PPFIA3: variants seen among roughly 807,000 people sequenced by gnomAD.
PPFIA3 encodes PPFI scaffold protein A3, also known as liprin-alpha-3.
In PPFIA3, 26 loss-of-function variants were observed where a neutral mutation model predicts 145.8. The ratio of observed to expected loss-of-function variants is 0.18; its 90% CI spans 0.13 to 0.25. PPFIA3 has a LOEUF of 0.25. Among genes scored for constraint, PPFIA3 ranks in the 10% least tolerant of loss-of-function variants. The pLI is 1.00. For missense variants in PPFIA3, 1,008 were observed against 1,587.8 expected (o/e 0.63, Z 6.21); for synonymous variants, 645 against 661.4 (o/e 0.98, Z 0.38).
intron 23 of PPFIA3, among the ~76,000 whole-genome samples, chr19:49,147,308 T>G (rs1420112645): frequency 6.6e-6 from 1 of 152,134 alleles, no homozygotes; most frequent in African/African-American, 2.4e-5. Flanking sequence ...TCTCAGCTAC[T>G]TGGAAGACTG....
chr19:49,129,600 A>G (rs2041044856), intron 5 of PPFIA3, 146 bp downstream of exon 5: 1 of 855,298 alleles, frequency 1.2e-6, no homozygotes, highest in African/African-American at 1.7e-5. Context: ...GACTATGGAG[A>G]GAAACCAGTG....
intron 1 of PPFIA3, among the ~76,000 whole-genome samples, chr19:49,123,606 T>C (rs2122519381): frequency 6.6e-6 from 1 of 152,068 alleles, no homozygotes; most frequent in South Asian, 2.1e-4. Flanking sequence ...CATGCCTGGC[T>C]AATTTTTGTG....
rs991839594 is a variant in PPFIA3 at position 49,133,716 on chromosome 19, C to A, written c.1162-80C>A. ...GGCGCTGTGGGGGCGGAGCCTGGCGCTCAGCCTTGGAGGAGGTGGGGCTGG... is the reference window on the plus strand; with the variant it reads ...GGCGCTGTGGGGGCGGAGCCTGGCGATCAGCCTTGGAGGAGGTGGGGCTGG... On this transcript the variant is annotated intron_variant, in intron 9 of 29. Coordinates refer to ENST00000334186, the MANE Select transcript of PPFIA3 (RefSeq NM_003660.4). This position sits in a 1 kb window ranked among gnomAD's most constrained non-coding sequence, Gnocchi z 7.2. The A allele has an allele frequency of 6.9e-7, 1 of 1,455,332 alleles. No individual in the cohort carries two copies. Among genetic ancestry groups the A allele is most frequent in the Non-Finnish European group, 9.5e-7 (1 of 1,049,250 alleles). 90.2% of individuals were successfully genotyped at this position (1,455,332 alleles called of 1,614,324 possible).
At chr19:49,148,827 G>A (rs1442195802) in intron 25 of PPFIA3, 64 bp downstream of exon 25, 5 of 1,551,864 alleles carry the variant, frequency 3.2e-6, no homozygotes, top group Non-Finnish European at 3.5e-6. Context: ...ATGGGGAGGA[G>A]AGGGGGTAGG....
rs200881830 is a variant in PPFIA3, at chr19:49,134,018, G to A, written c.1246-16G>A. On this transcript the variant is annotated splice_polypyrimidine_tract_variant and intron_variant, in intron 10 of 29. Coordinates refer to ENST00000334186, the MANE Select transcript of PPFIA3 (RefSeq NM_003660.4). Reference sequence around the variant, plus strand: ...CAGGGTGGGCTTAACAACCCGCCCCGCTCTGCTTTGCGCAGGCCCGGCAGC... The same window carrying A: ...CAGGGTGGGCTTAACAACCCGCCCCACTCTGCTTTGCGCAGGCCCGGCAGC... 6.2e-7 allele frequency: 1 copy of A among 1,609,762 alleles called. No individual in the cohort carries two copies. Among genetic ancestry groups the A allele is most frequent in the East Asian group, 2.2e-5 (1 of 44,842 alleles).
At position 49,130,300 on chromosome 19, in the gene PPFIA3, T is replaced by A. The variant is rs1024747798; in HGVS notation, c.658-78T>A. 49 of 1,367,444 alleles carry A rather than the reference T, an allele frequency of 3.6e-5. No homozygotes were observed. Among genetic ancestry groups the A allele is most frequent in the Admixed American group, 6.8e-5 (3 of 44,202 alleles). 84.7% of individuals were successfully genotyped at this position (1,367,444 alleles called of 1,614,324 possible). On this transcript the variant is annotated intron_variant, in intron 6 of 29. Transcript: ENST00000334186. The surrounding 1 kb of genome is among the most constrained non-coding windows in gnomAD (Gnocchi z 4.5). ...TATTGATCTTTGATCTACTTTCAGC[T>A]GATTGACTTTCTCCTTGGATTTCCT...
In PPFIA3 at chr19:49,128,495, A is replaced by C. The variant is rs1600327742; in HGVS notation, c.342+27A>C. On this transcript the variant is annotated intron_variant, in intron 3 of 29. Transcript: ENST00000334186. The surrounding 1 kb of genome is among the most constrained non-coding windows in gnomAD (Gnocchi z 4.1). ...TGAGGGGTGTTGAGGGCGGGGCCTAAGTGGGGGCGGGGCCTCGTGGTGTTG... is the reference window on the plus strand; with the variant it reads ...TGAGGGGTGTTGAGGGCGGGGCCTACGTGGGGGCGGGGCCTCGTGGTGTTG... The C allele has an allele frequency of 5.0e-5, 23 of 459,128 alleles. No homozygotes were observed. The highest frequency in any genetic ancestry group is 8.6e-5 in the East Asian group (1 of 11,682). 28.4% of individuals were successfully genotyped at this position (459,128 alleles called of 1,614,324 possible).
chr19:49,139,691 T>A lies in PPFIA3; in HGVS notation c.2100T>A (p.Ala700=). The change falls in exon 17 of 30, where the codon GCT becomes GCA. Residue 700 remains alanine, a synonymous_variant. Coordinates refer to ENST00000334186, the MANE Select transcript of PPFIA3 (RefSeq NM_003660.4). ...AGAATCATGTCCCTAAGGAGGAAGC[T>A]GGAGCTCCACGAGGGGAGGGGCCGG... ...DKANHVPKEE[A]GAPRGEGPAI... is the part of the protein sequence containing the mutation. 6.2e-7 allele frequency: 1 copy of A among 1,608,694 alleles called. No individual in the cohort carries two copies. The highest frequency in any genetic ancestry group is 8.5e-7 in the Non-Finnish European group (1 of 1,177,362).
chr19:49,134,205 G>C, intron 11 of PPFIA3, 40 bp downstream of exon 11: 3 of 1,558,268 alleles, frequency 1.9e-6, no homozygotes, highest in Non-Finnish European at 2.6e-6. Flanking sequence ...CGGAATTCCG[G>C]GACTACCTCT....
At chr19:49,136,209 G>A (rs2041135200) in intron 14 of PPFIA3, among the ~76,000 whole-genome samples, 1 of 152,180 alleles carries the variant, frequency 6.6e-6, no homozygotes, top group African/African-American at 2.4e-5. Flanking sequence ...GGAGCCAGCT[G>A]AGTCATGGGA....
chr19:49,145,263 C>A (rs183034349), intron 21 of PPFIA3, among the ~76,000 whole-genome samples: 1 of 152,138 alleles, frequency 6.6e-6, no homozygotes, highest in Non-Finnish European at 1.5e-5. Flanking sequence ...GTTGGCCAGG[C>A]TAGTCTTCAA....
At chr19:49,148,011 C>CTG in intron 23 of PPFIA3, 72 bp from the exon 24 acceptor site, 1 of 1,480,320 alleles carries the variant, frequency 6.8e-7, no homozygotes, top group Non-Finnish European at 9.1e-7. Context: ...GGAGGTTGGA[C>CTG]TGTACCCCTC....
At chr19:49,132,318 G>A (rs562441258) in intron 7 of PPFIA3, among the ~76,000 whole-genome samples, 2 of 148,022 alleles carry the variant, frequency 1.4e-5, no homozygotes, top group African/African-American at 5.0e-5. Flanking sequence ...GAACCCAGGA[G>A]GTGGAGGTTG....
Position 49,128,695 on chromosome 19 carries a change from C to A in PPFIA3, c.343-153C>A. ...CTTTTCTGTACCACCGGTTCCTTGA[C>A]CCCGACCTCCTCTCTTTTCCTGACC... On this transcript the variant is annotated intron_variant, in intron 3 of 29. Transcript: ENST00000334186. This position sits in a 1 kb window ranked among gnomAD's most constrained non-coding sequence, Gnocchi z 4.1. 4 of 854,160 alleles carry A rather than the reference C, an allele frequency of 4.7e-6. No homozygotes were observed. The highest frequency in any genetic ancestry group is 7.2e-6 in the Non-Finnish European group (4 of 558,996). 52.9% of individuals were successfully genotyped at this position (854,160 alleles called of 1,614,324 possible). A position where few individuals can be genotyped will look rare whatever the true frequency, so the allele number is the denominator to read the frequency against.
chr19:49,133,737 GC>G lies in PPFIA3; in HGVS notation c.1162-58del, dbSNP rs1600334787. ...GGCGCTCAGCCTTGGAGGAGGTGGGGCTGGGAGCCTGACTGATCCTGGAAGG... is the reference window on the plus strand; with the variant it reads ...GGCGCTCAGCCTTGGAGGAGGTGGGGTGGGAGCCTGACTGATCCTGGAAGG... On this transcript the variant is annotated intron_variant, in intron 9 of 29. Transcript: ENST00000334186. The surrounding 1 kb of genome is among the most constrained non-coding windows in gnomAD (Gnocchi z 7.2). The G allele has an allele frequency of 7.7e-6, 12 of 1,551,348 alleles. No homozygotes were observed. The Admixed American group carries it at 2.1e-4, about 27-fold the overall frequency.
intron 21 of PPFIA3, among the ~76,000 whole-genome samples, chr19:49,144,115 A>G (rs2041255278): frequency 6.6e-6 from 1 of 151,904 alleles, no homozygotes; most frequent in South Asian, 2.1e-4. Flanking sequence ...AAGCAATTCC[A>G]ATCCTCTGCC....
chr19:49,142,720 C>A, intron 20 of PPFIA3, 84 bp from the exon 21 acceptor site: 364 of 993,122 alleles, frequency 3.7e-4, no homozygotes, highest in East Asian at 8.0e-4. Context: ...CCTTGCCTTT[C>A]CCCACCTCCC....
chr19:49,123,711 G>C (rs1225648870), intron 1 of PPFIA3, among the ~76,000 whole-genome samples: 1 of 152,066 alleles, frequency 6.6e-6, no homozygotes. Context: ...CAAAATGCTG[G>C]GATTACAGGC....
chr19:49,139,245 A>G (rs768692657), intron 16 of PPFIA3, among the ~76,000 whole-genome samples: 38 of 151,736 alleles, frequency 2.5e-4, no homozygotes, highest in Non-Finnish European at 1.2e-4. Context: ...GAATCACTTA[A>G]ACCCGGGAGG....
Sources: gnomAD v4.1 joint callset for allele counts (sites outside exome capture counted in the v4.1 genomes callset) on GRCh38, gnomAD v4.1.1 for gene constraint, Gnocchi (gnomAD v3.1) non-coding constraint, MANE v1.5 for transcripts, NCBI Gene and HGNC (gene_info 2026-07-23, HGNC 2026-07-21) for gene names.